The following PCDH11X variants were observed in gnomAD, a reference collection of about 807,000 sequenced individuals.
PCDH11X encodes protocadherin 11 X-linked, also known as protocadherin-11 X-linked.
A neutral mutation model predicts 53.3 loss-of-function variants in PCDH11X; 18 were observed. The observed-to-expected ratio is 0.34, with a 90% confidence interval of 0.23 to 0.50. PCDH11X has a LOEUF of 0.50. Among genes scored for constraint, PCDH11X ranks in the 20% least tolerant of loss-of-function variants. The pLI is 0.98. For missense variants in PCDH11X, 570 were observed against 1,032.4 expected (o/e 0.55, Z 6.14); for synonymous variants, 279 against 393.3 (o/e 0.71, Z 3.44).
intron 10 of PCDH11X, among the ~76,000 whole-genome samples, chrX:92,506,401 T>C (rs1268396024): frequency 9.9e-6 from 1 of 100,699 alleles, no homozygotes; most frequent in African/African-American, 3.6e-5. Flanking sequence ...ATTATTTTTA[T>C]GTAAGTTCCT....
At chrX:92,123,024 A>G (rs2064799596) in intron 6 of PCDH11X, among the ~76,000 whole-genome samples, 1 of 111,304 alleles carries the variant, frequency 9.0e-6, no homozygotes, top group Non-Finnish European at 1.9e-5. Flanking sequence ...TGCTTTAACC[A>G]TTTACCCTAT....
chrX:92,458,595 T>A (rs1355273711), intron 9 of PCDH11X, among the ~76,000 whole-genome samples: 1 of 111,749 alleles, frequency 8.9e-6, no homozygotes, highest in Non-Finnish European at 1.9e-5. Flanking sequence ...TTCAAATTTT[T>A]TTTTAGCTGC....
In PCDH11X at chrX:92,375,163, TATA is replaced by T. The variant is rs201289204; in HGVS notation, c.3145-12571_3145-12569del. 2.4e-3 allele frequency among the ~76,000 whole-genome samples: 42 copies of T among 17,199 alleles called. 1 individual carries two copies. Among genetic ancestry groups the T allele is most frequent in the East Asian group, 9.5e-3 (3 of 317 alleles). The allele number at this position is 17,199 out of a possible 115,157, so 14.9% of individuals were successfully genotyped here. A position where few individuals can be genotyped will look rare whatever the true frequency, so the allele number is the denominator to read the frequency against. The stretch of plus-strand genomic sequence containing the variant: ...TCATTTATATATATATATATATATA[TATA>T]TTTTTTTTTTTTTTTTTTTTTTTTT... On this transcript the variant is annotated intron_variant, in intron 8 of 10. Transcript: ENST00000682573.
rs2069531274 is a variant in PCDH11X at position 92,333,043 on chromosome X, C to T, written c.3145-54692C>T. 2.7e-5 allele frequency among the ~76,000 whole-genome samples: 3 copies of T among 110,549 alleles called. No individual in the cohort carries two copies. The South Asian group carries it at 1.2e-3, about 43-fold the overall frequency. On this transcript the variant is annotated intron_variant, in intron 8 of 10. Transcript: ENST00000682573. ...TGTGAGGGTAGAAGCATTTATGCAA[C>T]ATGTACATGGGAGGCAACAGAAGGA... is the stretch of plus-strand genomic sequence containing the variant.
chrX:91,893,740 G>A (rs1940615602), intron 6 of PCDH11X, among the ~76,000 whole-genome samples: 2 of 110,530 alleles, frequency 1.8e-5, no homozygotes, highest in African/African-American at 3.3e-5. Context: ...AGAAACCATG[G>A]GATATCAAAT....
At chrX:91,794,873 C>T (rs936522194) in intron 1 of PCDH11X, among the ~76,000 whole-genome samples, 2 of 110,132 alleles carry the variant, frequency 1.8e-5, no homozygotes, top group African/African-American at 6.6e-5. Context: ...ATCATAGGGG[C>T]GGGTTTTTCT....
intron 7 of PCDH11X, among the ~76,000 whole-genome samples, chrX:92,254,056 T>C (rs765719796): frequency 1.8e-5 from 2 of 112,181 alleles, no homozygotes; most frequent in East Asian, 5.6e-4. Flanking sequence ...TCATTAAGTA[T>C]GTGAGTCTGT....
rs1182483283 is a variant in PCDH11X at position 91,896,474 on chromosome X, C to T, written c.3033+17201C>T. 3.9e-5 allele frequency among the ~76,000 whole-genome samples: 4 copies of T among 102,898 alleles called. No homozygotes were observed. In the East Asian group the frequency reaches 1.2e-3, roughly 32 times the overall value. The allele number at this position is 102,898 out of a possible 115,157, so 89.4% of individuals were successfully genotyped here. On this transcript the variant is annotated intron_variant, in intron 6 of 10. Coordinates refer to ENST00000682573, the MANE Select transcript of PCDH11X (RefSeq NM_032968.5). ...TCTCTAGTCTTCTGGTTATGTTATA[C>T]TGCCTGACCTAATTTTCAAGACTGT...
At chrX:92,230,679 G>A (rs1158338092) in intron 7 of PCDH11X, among the ~76,000 whole-genome samples, 1 of 101,592 alleles carries the variant, frequency 9.8e-6, no homozygotes, top group Admixed American at 1.2e-4. Flanking sequence ...TGGTGAATAT[G>A]GATGTTATTA....
At chrX:92,451,014 CA>C (rs1322358500) in intron 9 of PCDH11X, among the ~76,000 whole-genome samples, 55 of 110,322 alleles carry the variant, frequency 5.0e-4, no homozygotes, top group African/African-American at 1.6e-3. Flanking sequence ...AGAGGCCTGT[CA>C]AAAAAGTTTC....
intron 10 of PCDH11X, among the ~76,000 whole-genome samples, chrX:92,471,679 A>T (rs1282970617): frequency 9.3e-6 from 1 of 107,657 alleles, no homozygotes; most frequent in Non-Finnish European, 1.9e-5. Context: ...TCTTTGAGTA[A>T]TTGCCACACT....
At position 92,314,631 on chromosome X, in the gene PCDH11X, G is replaced by A. The variant is rs2755339; in HGVS notation, c.3144+51488G>A. Among the ~76,000 whole-genome samples the A allele has an allele frequency of 6.7e-4, 75 of 111,267 alleles. 1 individual carries two copies. Among genetic ancestry groups the A allele is most frequent in the African/African-American group, 2.3e-3 (69 of 30,654 alleles). On this transcript the variant is annotated intron_variant, in intron 8 of 10. Coordinates refer to ENST00000682573, the MANE Select transcript of PCDH11X (RefSeq NM_032968.5). ...CAGCATCACCACAAACACGAGTAATGCATTGCACTACAACATTATGATGGC... is the reference window on the plus strand; with the variant it reads ...CAGCATCACCACAAACACGAGTAATACATTGCACTACAACATTATGATGGC...
chrX:92,406,472 A>G lies in PCDH11X; in HGVS notation c.3343+18539A>G, dbSNP rs911997222. On this transcript the variant is annotated intron_variant, in intron 9 of 10. Coordinates refer to ENST00000682573, the MANE Select transcript of PCDH11X (RefSeq NM_032968.5). ...TTACTAGTCTATCTGTCATGGAAACAATGGAATTGTTGGATGAAAAGGAAT... is the reference window on the plus strand; with the variant it reads ...TTACTAGTCTATCTGTCATGGAAACGATGGAATTGTTGGATGAAAAGGAAT... Among the ~76,000 whole-genome samples the G allele has an allele frequency of 3.9e-5, 4 of 103,222 alleles. 1 individual carries two copies. The highest frequency in any genetic ancestry group is 1.0e-3 in the South Asian group (2 of 1,989). The allele number at this position is 103,222 out of a possible 115,157, so 89.6% of individuals were successfully genotyped here. A position where few individuals can be genotyped will look rare whatever the true frequency, so the allele number is the denominator to read the frequency against.
At chrX:92,436,973 TAAA>T (rs71815223) in intron 9 of PCDH11X, among the ~76,000 whole-genome samples, 1,078 of 84,577 alleles carry the variant, frequency 0.013, 17 homozygotes, top group African/African-American at 0.042. Context: ...AAATAAAAGG[TAAA>T]AAAAAAAAAA....
chrX:92,532,618 A>G (rs2074578380), intron 10 of PCDH11X, among the ~76,000 whole-genome samples: 1 of 105,193 alleles, frequency 9.5e-6, no homozygotes, highest in Non-Finnish European at 1.9e-5. Flanking sequence ...TAAGTTGGGG[A>G]GTAATATATT....
intron 6 of PCDH11X, among the ~76,000 whole-genome samples, chrX:92,137,650 A>G (rs1189429220): frequency 1.8e-5 from 2 of 109,890 alleles, no homozygotes; most frequent in Non-Finnish European, 3.8e-5. Flanking sequence ...ATGTTCCTCA[A>G]CCCCAAAAGA....
Position 92,108,167 on chromosome X carries a change from A to T in PCDH11X, c.3034-93208A>T, listed in dbSNP as rs2064427229. On this transcript the variant is annotated intron_variant, in intron 6 of 10. Transcript: ENST00000682573. ...AAATGCAGATTTCCTCAAAATGTCT[A>T]CATCAGTTTAAAATGAAATATATAA... Among the ~76,000 whole-genome samples the T allele has an allele frequency of 3.6e-5, 4 of 112,019 alleles. No homozygotes were observed. In the Admixed American group the frequency reaches 3.8e-4, roughly 11 times the overall value.
At chrX:92,085,643 A>G (rs2063938369) in intron 6 of PCDH11X, among the ~76,000 whole-genome samples, 1 of 110,468 alleles carries the variant, frequency 9.1e-6, no homozygotes, top group African/African-American at 3.3e-5. Context: ...AAGAAATTCT[A>G]CCATCTGGCG....
intron 6 of PCDH11X, among the ~76,000 whole-genome samples, chrX:92,085,866 A>G (rs1185535652): frequency 9.0e-6 from 1 of 111,558 alleles, no homozygotes; most frequent in Admixed American, 9.6e-5. Flanking sequence ...ACTAGTAGCT[A>G]TGTGTGACTT....
Sources: allele counts gnomAD v4.1 joint callset (sites outside exome capture counted in the v4.1 genomes callset), GRCh38; gene constraint gnomAD v4.1.1; transcripts MANE v1.5; gene names NCBI Gene and HGNC (gene_info 2026-07-23, HGNC 2026-07-21).